Variants in LRTM1 observed in about 807,000 individuals in gnomAD.
LRTM1 encodes the protein leucine-rich repeat and transmembrane domain-containing protein 1.
Under a neutral mutation model 32.4 loss-of-function variants are expected in LRTM1, and 38 were observed. The observed-to-expected ratio is 1.17, with a 90% CI of 0.91 to 1.54. LRTM1 has a LOEUF of 1.54. Among genes scored for constraint, LRTM1 ranks in the 40% most tolerant of loss-of-function variants. The pLI, the probability that LRTM1 is intolerant of heterozygous loss-of-function variation, is 0.00. For missense variants in LRTM1, 466 were observed against 415.4 expected (o/e 1.12, Z -1.06); for synonymous variants, 186 against 169.9 (o/e 1.09, Z -0.74).
intron 2 of LRTM1, among the ~76,000 whole-genome samples, chr3:54,919,601 G>C (rs1054213421): frequency 6.6e-6 from 1 of 151,888 alleles, no homozygotes; most frequent in African/African-American, 2.4e-5. Flanking sequence ...GCTGTTGGTC[G>C]GGGGAATTTG....
chr3:54,934,220 C>T (rs2106964081), intron 1 of LRTM1, among the ~76,000 whole-genome samples: 1 of 152,290 alleles, frequency 6.6e-6, no homozygotes, highest in East Asian at 1.9e-4. Flanking sequence ...TAGTTGTATT[C>T]ATTTTATGCC....
chr3:54,959,110 C>T (rs979605919), intron 1 of LRTM1, among the ~76,000 whole-genome samples: 6 of 152,172 alleles, frequency 3.9e-5, no homozygotes, highest in Non-Finnish European at 8.8e-5. Context: ...CAGCAAAAAA[C>T]CCCTTTATCT....
intron 1 of LRTM1, among the ~76,000 whole-genome samples, chr3:54,927,150 C>A: frequency 6.6e-6 from 1 of 152,142 alleles, no homozygotes; most frequent in Non-Finnish European, 1.5e-5. Context: ...TTGTTTTGGG[C>A]CTTAACTAGG....
chr3:54,928,122 G>T (rs1233844153), upstream of LRTM1: 4 of 560,290 alleles, frequency 7.1e-6, no homozygotes, highest in Non-Finnish European at 1.3e-5. Context: ...ATCTGGCTGG[G>T]ATCAGTTTCC....
At chr3:54,930,703 T>G (rs1701166073), upstream of LRTM1, among the ~76,000 whole-genome samples, 1 of 152,220 alleles carries the variant, frequency 6.6e-6, no homozygotes, top group African/African-American at 2.4e-5. Context: ...GCATCAGCAT[T>G]CTATCTGTAG....
At chr3:54,928,893 A>C (rs937812312), upstream of LRTM1, among the ~76,000 whole-genome samples, 1 of 152,154 alleles carries the variant, frequency 6.6e-6, no homozygotes, top group Non-Finnish European at 1.5e-5. Flanking sequence ...CTCTAATTGA[A>C]GCTTCAGGGA....
In LRTM1 at chr3:54,964,348, C is replaced by T. The variant is rs371409018; in HGVS notation, c.-222+2580G>A. Among the ~76,000 whole-genome samples the T allele has an allele frequency of 1.5e-4, 23 of 152,044 alleles. No homozygotes were observed. In the East Asian group the frequency reaches 1.7e-3, roughly 12 times the overall value. On this transcript the variant is annotated intron_variant, in intron 1 of 2. Coordinates refer to the LRTM1 transcript ENST00000493075. The stretch of plus-strand genomic sequence containing the variant: ...TTGAAGTAAGGAGCACTGTGACCTC[C>T]GGGGAAATATGTTGATGATTTTCTG...
At chr3:54,964,349 G>A (rs962068199) in intron 1 of LRTM1, among the ~76,000 whole-genome samples, 12 of 152,074 alleles carry the variant, frequency 7.9e-5, no homozygotes, top group Non-Finnish European at 1.2e-4. Context: ...TGTGACCTCC[G>A]GGGAAATATG....
chr3:54,920,481 CA>C (rs1257479653), intron 2 of LRTM1, among the ~76,000 whole-genome samples: 1 of 152,176 alleles, frequency 6.6e-6, no homozygotes, highest in African/African-American at 2.4e-5. Context: ...CACCCTAAAG[CA>C]GAAAGATAAA....
chr3:54,939,024 C>G (rs369271375), intron 1 of LRTM1, among the ~76,000 whole-genome samples: 5 of 152,160 alleles, frequency 3.3e-5, no homozygotes, highest in African/African-American at 1.2e-4. Context: ...CAAGAGGAAA[C>G]TGTGATGCTA....
chr3:54,954,021 A>C (rs1027866649), intron 1 of LRTM1, among the ~76,000 whole-genome samples: 2 of 152,164 alleles, frequency 1.3e-5, no homozygotes, highest in African/African-American at 4.8e-5. Context: ...ATTCAACCTA[A>C]TTTCCATCAG....
intron 1 of LRTM1, 59 bp downstream of exon 1, chr3:54,927,846 G>A (rs538779484): frequency 1.3e-5 from 20 of 1,578,590 alleles, no homozygotes; most frequent in African/African-American, 2.7e-5. Flanking sequence ...ACCTTTGTGA[G>A]GGGATACCAT....
rs369851707 is a variant in LRTM1 at position 54,924,705 on chromosome 3, C to T, written c.518G>A (p.Arg173Lys). Residue 173 changes from arginine (R) to lysine (K), a missense_variant, in exon 2 of 3, where the codon AGG (arginine) becomes AAG (lysine). By Grantham distance (26) the Arg-to-Lys change is conservative (BLOSUM62 2). Transcript: ENST00000273286. ...RALLESMPSV[R>K]LLLLKDNLWK... ...GAGGTTGTCCTTGAGAAGTAAAAGC[C>T]TCACACTGGGCATGGATTCCAGGAG... 12 of 1,614,120 alleles carry T rather than the reference C, an allele frequency of 7.4e-6. No homozygotes were observed. In the African/African-American group the frequency reaches 1.2e-4, roughly 16 times the overall value.
chr3:54,945,606 C>T (rs1181169449), intron 1 of LRTM1, among the ~76,000 whole-genome samples: 2 of 152,172 alleles, frequency 1.3e-5, no homozygotes, highest in Non-Finnish European at 2.9e-5. Flanking sequence ...GTTCTTCAAA[C>T]TTTAGTGTCA....
intron 1 of LRTM1, among the ~76,000 whole-genome samples, chr3:54,946,205 A>G (rs1404250168): frequency 3.3e-5 from 5 of 152,110 alleles, no homozygotes; most frequent in Non-Finnish European, 7.3e-5. Flanking sequence ...TTGCCTGTTA[A>G]TGCTTACCTC....
chr3:54,936,727 G>A (rs899368887), intron 1 of LRTM1, among the ~76,000 whole-genome samples: 12 of 152,074 alleles, frequency 7.9e-5, no homozygotes, highest in African/African-American at 2.9e-4. Flanking sequence ...TCCCATCCTT[G>A]CATAATTAGA....
intron 1 of LRTM1, among the ~76,000 whole-genome samples, chr3:54,948,576 A>G (rs1701674786): frequency 6.6e-6 from 1 of 152,228 alleles, no homozygotes; most frequent in African/African-American, 2.4e-5. Context: ...GATGATGGTC[A>G]TGGTTGCCAG....
At chr3:54,941,941 G>A (rs890064314) in intron 1 of LRTM1, among the ~76,000 whole-genome samples, 5 of 152,152 alleles carry the variant, frequency 3.3e-5, no homozygotes, top group Admixed American at 3.3e-4. Flanking sequence ...TCGTGAAATG[G>A]CAATGACAGC....
chr3:54,925,122 A>G lies in LRTM1; in HGVS notation c.101T>C (p.Val34Ala), dbSNP rs745754884. 5 of 1,614,036 alleles carry G rather than the reference A, an allele frequency of 3.1e-6. No homozygotes were observed. The African/African-American group carries it at 5.3e-5, about 17-fold the overall frequency. ...KCYCQSSTNF[V>A]DCSQQGLAEI... Reference sequence around the variant, plus strand: ...GGCCAGACCCTGCTGGCTGCAGTCTACAAAATTTGTAGATGACTGACAGTA... The same window carrying G: ...GGCCAGACCCTGCTGGCTGCAGTCTGCAAAATTTGTAGATGACTGACAGTA... Residue 34 changes from valine (V) to alanine (A), a missense_variant, in exon 2 of 3, where the codon GTA (valine) becomes GCA (alanine). Transcript: ENST00000273286.
Sources: allele counts gnomAD v4.1 joint callset (sites outside exome capture counted in the v4.1 genomes callset), GRCh38; gene constraint gnomAD v4.1.1; transcripts MANE v1.5; gene names NCBI Gene and HGNC (gene_info 2026-07-23, HGNC 2026-07-21).